The following CCDC12 variants were observed in gnomAD, a reference collection of about 807,000 sequenced individuals.
CCDC12 encodes coiled-coil domain containing 12, also known as coiled-coil domain-containing protein 12.
Under a neutral mutation model 25.7 loss-of-function variants are expected in CCDC12, and 28 were observed. The ratio of observed to expected loss-of-function variants is 1.09; its 90% CI spans 0.81 to 1.50. CCDC12 has a LOEUF of 1.50. Ranked by LOEUF, CCDC12 falls within the 40% of genes most tolerant of loss-of-function variation. CCDC12 has a pLI of 0.00. For synonymous variants in CCDC12, 75 were observed against 87.7 expected (o/e 0.86, Z 0.81); for missense variants, 198 against 210.0 (o/e 0.94, Z 0.35).
At chr3:46,974,909 C>A (rs930180776) in intron 1 of CCDC12, among the ~76,000 whole-genome samples, 11 of 152,182 alleles carry the variant, frequency 7.2e-5, no homozygotes, top group Admixed American at 5.9e-4. Flanking sequence ...TGAATGTGTA[C>A]GGACTGTCAT....
intron 1 of CCDC12, among the ~76,000 whole-genome samples, chr3:46,964,201 T>C (rs1260588908): frequency 7.7e-6 from 1 of 130,244 alleles, no homozygotes; most frequent in Non-Finnish European, 1.6e-5. Context: ...TCTGAGAAGT[T>C]AGGAGCCCCT....
chr3:46,976,842 TC>T, upstream of CCDC12: 1 of 1,501,606 alleles, frequency 6.7e-7, no homozygotes, highest in Non-Finnish European at 8.9e-7. Flanking sequence ...GACTGGGAGG[TC>T]CTGAAAGCCA....
chr3:46,959,489 G>A (rs1219457252), intron 1 of CCDC12, among the ~76,000 whole-genome samples: 3 of 152,070 alleles, frequency 2.0e-5, no homozygotes, highest in South Asian at 2.1e-4. Flanking sequence ...CTGTGTCTTC[G>A]GGGTGAGGCC....
At chr3:46,938,512 C>T (rs555059433) in intron 2 of CCDC12, among the ~76,000 whole-genome samples, 1 of 149,554 alleles carries the variant, frequency 6.7e-6, no homozygotes, top group African/African-American at 2.4e-5. Context: ...GGTTTGTTCC[C>T]CTCCTGTTTT....
intron 1 of CCDC12, among the ~76,000 whole-genome samples, chr3:46,962,164 C>T (rs4324490): frequency 0.95 from 143,756 of 152,084 alleles, 68,505 homozygotes; most frequent in East Asian, 1. Flanking sequence ...CCAGGTGAGG[C>T]GGCTCTCGTC....
At chr3:46,953,561 C>T (rs889714362) in intron 1 of CCDC12, among the ~76,000 whole-genome samples, 1 of 151,978 alleles carries the variant, frequency 6.6e-6, no homozygotes, top group Admixed American at 6.6e-5. Flanking sequence ...TTGACCCTCA[C>T]CTGGCTAAAT....
At chr3:46,940,959 G>A (rs2033675456) in intron 2 of CCDC12, 39 bp downstream of exon 2, 1 of 1,599,392 alleles carries the variant, frequency 6.3e-7, no homozygotes, top group African/African-American at 1.3e-5. Context: ...ATGAGTGCTG[G>A]AGGAGAGAGC....
At chr3:46,934,566 A>C (rs1575542073) in intron 2 of CCDC12, among the ~76,000 whole-genome samples, 1 of 152,182 alleles carries the variant, frequency 6.6e-6, no homozygotes, top group African/African-American at 2.4e-5. Flanking sequence ...GACATACAAG[A>C]TATCAAGACT....
intron 1 of CCDC12, chr3:46,976,311 C>A: frequency 8.1e-7 from 1 of 1,234,092 alleles, no homozygotes; most frequent in Non-Finnish European, 1.0e-6. Context: ...TCACGCCTAA[C>A]CCAACAAGCA....
chr3:46,979,558 G>A, upstream of CCDC12: 1 of 226,038 alleles, frequency 4.4e-6, no homozygotes, highest in Non-Finnish European at 8.6e-6. Context: ...CGGGCCGCCC[G>A]GCCCATAGGC....
At position 46,976,618 on chromosome 3, in the gene CCDC12, C is replaced by T; in HGVS notation, c.96+19G>A. 6.2e-7 allele frequency: 1 copy of T among 1,604,914 alleles called. No homozygotes were observed. The highest frequency in any genetic ancestry group is 8.5e-7 in the Non-Finnish European group (1 of 1,175,884). ...AACGCTGGACGCCTCAACTGCGACC[C>T]TCACTCCACACTTCTCACCTTGCGC... On this transcript the variant is annotated intron_variant, in intron 1 of 6. Coordinates refer to ENST00000683445, the MANE Select transcript of CCDC12 (RefSeq NM_001277074.2).
At chr3:46,978,367 G>A (rs1260077269), upstream of CCDC12, among the ~76,000 whole-genome samples, 1 of 152,168 alleles carries the variant, frequency 6.6e-6, no homozygotes, top group Non-Finnish European at 1.5e-5. Flanking sequence ...ACAGGACAGG[G>A]TCTCTGTTGT....
At chr3:46,941,820 C>T (rs576181680) in intron 1 of CCDC12, among the ~76,000 whole-genome samples, 4 of 152,294 alleles carry the variant, frequency 2.6e-5, no homozygotes, top group Admixed American at 6.5e-5. Flanking sequence ...CTCAGGCCTC[C>T]TGAGACACCT....
chr3:46,957,721 C>A (rs1160107980), intron 1 of CCDC12, among the ~76,000 whole-genome samples: 2 of 152,018 alleles, frequency 1.3e-5, no homozygotes, highest in Non-Finnish European at 2.9e-5. Flanking sequence ...GTGGGTGGAT[C>A]ACCTGAAGTC....
chr3:46,937,997 G>A (rs1023018357), intron 2 of CCDC12, among the ~76,000 whole-genome samples: 1 of 152,194 alleles, frequency 6.6e-6, no homozygotes, highest in South Asian at 2.1e-4. Context: ...CCAGGTACAG[G>A]ATGCTAGAAG....
chr3:46,930,628 T>A (rs1376361129), intron 2 of CCDC12, among the ~76,000 whole-genome samples: 1 of 152,202 alleles, frequency 6.6e-6, no homozygotes, highest in Non-Finnish European at 1.5e-5. Context: ...GTGCCTCCAC[T>A]GGCCCTCCCT....
chr3:46,930,674 T>A (rs1312320133), intron 2 of CCDC12, among the ~76,000 whole-genome samples: 1 of 152,148 alleles, frequency 6.6e-6, no homozygotes, highest in Non-Finnish European at 1.5e-5. Context: ...AAAACAAGTC[T>A]AAGCTTCTTC....
At chr3:46,941,116 A>C in intron 1 of CCDC12, 51 bp from the exon 2 acceptor site, 1 of 1,574,602 alleles carries the variant, frequency 6.4e-7, no homozygotes, top group South Asian at 1.1e-5. Context: ...TCCTACTTCC[A>C]GTCCACGTGG....
At chr3:46,936,229 C>G (rs1334023167) in intron 2 of CCDC12, among the ~76,000 whole-genome samples, 1 of 152,228 alleles carries the variant, frequency 6.6e-6, no homozygotes, top group African/African-American at 2.4e-5. Context: ...ATAAGCGAGG[C>G]TCTACAAAGT....
Sources: allele counts gnomAD v4.1 joint callset (sites outside exome capture counted in the v4.1 genomes callset), GRCh38; gene constraint gnomAD v4.1.1; transcripts MANE v1.5; gene names NCBI Gene and HGNC (gene_info 2026-07-23, HGNC 2026-07-21).